Variants in GAST observed in about 807,000 individuals in gnomAD.
GAST encodes gastrin.
Under a neutral mutation model 12.5 loss-of-function variants are expected in GAST, and 9 were observed. The observed-to-expected ratio is 0.72, with a 90% CI of 0.43 to 1.25. The LOEUF (loss-of-function observed/expected upper bound fraction) is 1.25. GAST is among the 50% of genes most tolerant of loss of function. GAST has a pLI of 0.00. For missense variants in GAST, 121 were observed against 127.7 expected (o/e 0.95, Z 0.25); for synonymous variants, 52 against 51.1 (o/e 1.02, Z -0.08).
intron 1 of GAST, among the ~76,000 whole-genome samples, chr17:41,713,894 A>C (rs1177363854): frequency 3.9e-5 from 6 of 152,242 alleles, no homozygotes; most frequent in Admixed American, 6.5e-5. Context: ...TTGAGATTCC[A>C]GTTTAGTTCT....
intron 1 of GAST, 74 bp from the exon 2 acceptor site, chr17:41,715,358 T>G: frequency 8.9e-7 from 1 of 1,124,488 alleles, no homozygotes. Context: ...TGGAGCCACA[T>G]GGTTCAGTCC....
chr17:41,715,024 G>T (rs1195543567), intron 1 of GAST, among the ~76,000 whole-genome samples: 1 of 152,112 alleles, frequency 6.6e-6, no homozygotes, highest in Non-Finnish European at 1.5e-5. Context: ...ACTCACCCGG[G>T]TGCGGTGGCT....
In GAST at chr17:41,715,572, T is replaced by C; in HGVS notation, c.136T>C (p.Trp46Arg). 1 of 1,613,600 alleles carries C rather than the reference T, an allele frequency of 6.2e-7. No homozygotes were observed. Among genetic ancestry groups the C allele is most frequent in the Non-Finnish European group, 8.5e-7 (1 of 1,180,012 alleles). ...TGANRDLELP[W>R]LEQQGPASHH... ...GGCCAACAGGGACCTGGAGCTACCC[T>C]GGCTGGAGCAGCAGGGCCCAGCCTC... is the stretch of plus-strand genomic sequence containing the variant. The change falls in exon 2 of 3, where the codon TGG becomes CGG. Residue 46 changes from tryptophan to arginine, a missense_variant. Physicochemically the swap from Trp to Arg is moderately radical, Grantham distance 101. Coordinates refer to ENST00000329402, the MANE Select transcript of GAST (RefSeq NM_000805.5).
rs7220169 is a variant in GAST at position 41,715,448 on chromosome 17, G to A, written c.12G>A (p.Leu4=). The A allele has an allele frequency of 0.87, 1,395,819 of 1,611,840 alleles. 605,600 individuals carry two copies. The highest frequency in any genetic ancestry group is 0.93 in the Middle Eastern group (5,561 of 5,992). Residue 4 remains leucine (L), a synonymous_variant, in exon 2 of 3, where the codon CTG becomes CTA. Transcript: ENST00000329402. The part of the protein sequence containing the change: MQR[L]CVYVLIFALA... Reference sequence around the variant, plus strand: ...CCTTTGCAGACGAGATGCAGCGACTGTGTGTGTATGTGCTGATCTTTGCAC... The same window carrying A: ...CCTTTGCAGACGAGATGCAGCGACTATGTGTGTATGTGCTGATCTTTGCAC...
At chr17:41,715,713 GCT>G (rs1555585825) in intron 2 of GAST, 63 bp from the exon 3 acceptor site, 1 of 1,598,784 alleles carries the variant, frequency 6.3e-7, no homozygotes, top group African/African-American at 1.3e-5. Context: ...CCCCAGACTG[GCT>G]CTGACTTCAG....
intron 1 of GAST, among the ~76,000 whole-genome samples, chr17:41,713,525 T>C (rs1327141355): frequency 6.6e-6 from 1 of 151,936 alleles, no homozygotes; most frequent in Non-Finnish European, 1.5e-5. Context: ...ACCTCATCTC[T>C]ACTAAAAATA....
chr17:41,715,869 C>T lies in GAST; in HGVS notation c.303C>T (p.Asn101=), dbSNP rs550406204. ...DFGRRSAEDE[N] is the part of the protein sequence containing the mutation. ...GCCGCCGCAGTGCTGAGGATGAGAA[C>T]TAACAATCCTAGAACCAAGCTTCAG... Residue 101 remains asparagine (N), a synonymous_variant, in exon 3 of 3, where the codon AAC becomes AAT. Transcript: ENST00000329402. 8.1e-6 allele frequency: 13 copies of T among 1,599,506 alleles called. No homozygotes were observed. Among genetic ancestry groups the T allele is most frequent in the Non-Finnish European group, 9.4e-6 (11 of 1,174,910 alleles).
chr17:41,714,429 T>TC (rs1421897708), intron 1 of GAST, among the ~76,000 whole-genome samples: 1 of 152,062 alleles, frequency 6.6e-6, no homozygotes, highest in Non-Finnish European at 1.5e-5. Flanking sequence ...CTCCTCAGCC[T>TC]CCCAAAGTGC....
intron 1 of GAST, among the ~76,000 whole-genome samples, chr17:41,713,841 AGT>A (rs1910912047): frequency 6.6e-6 from 1 of 152,256 alleles, no homozygotes; most frequent in African/African-American, 2.4e-5. Context: ...ATACAAAAAT[AGT>A]GAGTCCAGGG....
At chr17:41,713,277 A>G (rs145246914) in intron 1 of GAST, among the ~76,000 whole-genome samples, 2 of 152,324 alleles carry the variant, frequency 1.3e-5, no homozygotes, top group Non-Finnish European at 2.9e-5. Context: ...TGGCTATAGC[A>G]CTGAACAACA....
At chr17:41,712,887 G>C (rs370846687) in intron 1 of GAST, among the ~76,000 whole-genome samples, 1 of 152,234 alleles carries the variant, frequency 6.6e-6, no homozygotes, top group South Asian at 2.1e-4. Context: ...CACTAGCCAC[G>C]TGTGCGCTTG....
At chr17:41,714,295 C>T (rs1048430558) in intron 1 of GAST, among the ~76,000 whole-genome samples, 1 of 152,114 alleles carries the variant, frequency 6.6e-6, no homozygotes, top group Non-Finnish European at 1.5e-5. Flanking sequence ...ACCTCGGCCT[C>T]CCAAGTAGCT....
At chr17:41,714,668 TG>T (rs2143138236) in intron 1 of GAST, among the ~76,000 whole-genome samples, 1 of 152,138 alleles carries the variant, frequency 6.6e-6, no homozygotes, top group South Asian at 2.1e-4. Flanking sequence ...CCAGCTCTTC[TG>T]GAGGCTGAGG....
chr17:41,714,635 C>T (rs138231893), intron 1 of GAST, among the ~76,000 whole-genome samples: 291 of 152,016 alleles, frequency 1.9e-3, no homozygotes, highest in Non-Finnish European at 3.6e-3. Context: ...ATTAGCTGGA[C>T]GTGGTGGTGC....
At chr17:41,714,426 G>A (rs1910922529) in intron 1 of GAST, among the ~76,000 whole-genome samples, 1 of 152,202 alleles carries the variant, frequency 6.6e-6, no homozygotes, top group Middle Eastern at 3.4e-3. Flanking sequence ...ATCCTCCTCA[G>A]CCTCCCAAAG....
At chr17:41,715,292 C>T (rs1910943414) in intron 1 of GAST, 140 bp from the exon 2 acceptor site, 1 of 631,590 alleles carries the variant, frequency 1.6e-6, no homozygotes, top group South Asian at 2.0e-5. Flanking sequence ...AAGAGTGAAA[C>T]TCTGTCTAAA....
intron 2 of GAST, 59 bp downstream of exon 2, chr17:41,715,706 C>G: frequency 6.2e-7 from 1 of 1,600,890 alleles, no homozygotes; most frequent in Non-Finnish European, 8.5e-7. Flanking sequence ...AAGGTCTCCC[C>G]AGACTGGCTC....
intron 1 of GAST, among the ~76,000 whole-genome samples, chr17:41,714,365 G>A (rs187627361): frequency 4.6e-5 from 7 of 152,170 alleles, no homozygotes; most frequent in Admixed American, 2.0e-4. Flanking sequence ...TAGAGATGGG[G>A]TTTCAGTATG....
chr17:41,713,075 C>A (rs1567773160), intron 1 of GAST, among the ~76,000 whole-genome samples: 1 of 152,018 alleles, frequency 6.6e-6, no homozygotes, highest in Non-Finnish European at 1.5e-5. Context: ...GCCACAACAC[C>A]CAGCTAATTT....
Sources: allele counts gnomAD v4.1 joint callset (sites outside exome capture counted in the v4.1 genomes callset), GRCh38; gene constraint gnomAD v4.1.1; transcripts MANE v1.5; gene names NCBI Gene and HGNC (gene_info 2026-07-23, HGNC 2026-07-21).